Variants in KIF16B observed in about 807,000 individuals in gnomAD.
KIF16B encodes kinesin family member 16B.
Under a neutral mutation model 156.3 loss-of-function variants are expected in KIF16B, and 98 were observed. The ratio of observed to expected loss-of-function variants is 0.63; its 90% CI spans 0.53 to 0.74. KIF16B has a LOEUF of 0.74. KIF16B is among the 30% of genes least tolerant of loss of function. The pLI is 0.00. For synonymous variants in KIF16B, 564 were observed against 583.7 expected (o/e 0.97, Z 0.49); for missense variants, 1,421 against 1,606.5 (o/e 0.88, Z 1.97).
intron 24 of KIF16B, among the ~76,000 whole-genome samples, chr20:16,319,181 C>G (rs1041275762): frequency 3.3e-5 from 5 of 151,842 alleles, no homozygotes. Context: ...GATCCTGGAA[C>G]AGAAAAAGGC....
At chr20:16,480,025 C>T (rs762245549) in intron 12 of KIF16B, among the ~76,000 whole-genome samples, 1 of 152,160 alleles carries the variant, frequency 6.6e-6, no homozygotes, top group Non-Finnish European at 1.5e-5. Context: ...ATGGCAGGGA[C>T]TCCTTCGGGG....
At chr20:16,404,771 A>AAAGTGAT (rs778457676) in intron 17 of KIF16B, 42 bp downstream of exon 17, 2 of 1,463,364 alleles carry the variant, frequency 1.4e-6, no homozygotes, top group African/African-American at 2.8e-5. Flanking sequence ...AATAAATGCA[A>AAAGTGAT]AAGTGATCAT....
chr20:16,526,268 T>C (rs760136665), intron 2 of KIF16B, 63 bp from the exon 3 acceptor site: 5 of 835,318 alleles, frequency 6.0e-6, no homozygotes, highest in Non-Finnish European at 7.5e-6. Context: ...GACCCAAATT[T>C]CCATGTTTAT....
intron 12 of KIF16B, among the ~76,000 whole-genome samples, chr20:16,480,246 A>C (rs2067941820): frequency 6.6e-6 from 1 of 152,232 alleles, no homozygotes; most frequent in Admixed American, 6.5e-5. Flanking sequence ...GAAAGCCCTC[A>C]TTGAAGACCT....
At chr20:16,368,892 A>C (rs1475654469) in intron 22 of KIF16B, 2 of 985,728 alleles carry the variant, frequency 2.0e-6, no homozygotes, top group Non-Finnish European at 2.4e-6. Context: ...TATCTTTATG[A>C]GTCATCAGCT....
chr20:16,520,009 A>C (rs2069282123), intron 3 of KIF16B, among the ~76,000 whole-genome samples: 1 of 152,156 alleles, frequency 6.6e-6, no homozygotes, highest in Non-Finnish European at 1.5e-5. Context: ...CGCTTTTCCC[A>C]CAGTCTTCGC....
intron 22 of KIF16B, among the ~76,000 whole-genome samples, chr20:16,361,618 T>C (rs1361732160): frequency 6.6e-6 from 1 of 152,196 alleles, no homozygotes; most frequent in Non-Finnish European, 1.5e-5. Context: ...GTGCTAACCT[T>C]ATCTCATTTC....
chr20:16,354,471 G>T (rs2064397638), intron 23 of KIF16B, among the ~76,000 whole-genome samples: 1 of 115,592 alleles, frequency 8.7e-6, no homozygotes, highest in Non-Finnish European at 1.7e-5. Context: ...TGTACAAATG[G>T]AATTCTACAC....
intron 9 of KIF16B, 113 bp from the exon 10 acceptor site, chr20:16,504,660 A>C: frequency 1.3e-6 from 1 of 761,536 alleles, no homozygotes; most frequent in South Asian, 1.9e-5. Context: ...GAGAGACTAA[A>C]TATTCATTGC....
rs2064767135 is a variant in KIF16B at position 16,369,600 on chromosome 20, G to A, written c.3498+986C>T. On this transcript the variant is annotated intron_variant, in intron 22 of 25. Transcript: ENST00000354981. ...AAGCCCTCTGATTCAATGTTTAGAA[G>A]GTCAAATTTAGTTATGAAAATAAGT... is the stretch of plus-strand genomic sequence containing the variant. Among the ~76,000 whole-genome samples, 5 of 152,184 alleles carry A rather than the reference G, an allele frequency of 3.3e-5. No homozygotes were observed. The South Asian group carries it at 1.0e-3, about 32-fold the overall frequency.
rs1443474788 is a variant in KIF16B, at chr20:16,380,123, T to C, written c.1879A>G (p.Lys627Glu). ...TGCTGCATCCGCTCCAGTTCAGCCT[T>C]GTCTGATTTCTGCTTTTCCTCCATT... ...EEMEEKQKSD[K>E]AELERMQQEV... The change falls in exon 19 of 26, where the codon AAG becomes GAG. Residue 627 changes from lysine to glutamate, a missense_variant. Coordinates refer to ENST00000354981, the MANE Select transcript of KIF16B (RefSeq NM_024704.5). 6.6e-7 allele frequency: 1 copy of C among 1,517,110 alleles called. No individual in the cohort carries two copies. The highest frequency in any genetic ancestry group is 8.8e-7 in the Non-Finnish European group (1 of 1,136,956). The allele number at this position is 1,517,110 out of a possible 1,614,324, so 94.0% of individuals were successfully genotyped here.
rs1244094921 is a variant in KIF16B at position 16,504,305 on chromosome 20, C to CA, written c.1176+66dup. 94 of 1,496,186 alleles carry CA rather than the reference C, an allele frequency of 6.3e-5. 1 individual carries two copies. In the Middle Eastern group the frequency reaches 1.0e-3, roughly 17 times the overall value. The allele number at this position is 1,496,186 out of a possible 1,614,324, so 92.7% of individuals were successfully genotyped here. A position where few individuals can be genotyped will look rare whatever the true frequency, so the allele number is the denominator to read the frequency against. Reference sequence around the variant, plus strand: ...AATAGCATGAGTGAGAAAATTGTCTCATTAAGATCTAGAAATAGATGCCAT... The same window carrying CA: ...AATAGCATGAGTGAGAAAATTGTCTCAATTAAGATCTAGAAATAGATGCCAT... On this transcript the variant is annotated intron_variant, in intron 10 of 25. Coordinates refer to ENST00000354981, the MANE Select transcript of KIF16B (RefSeq NM_024704.5).
intron 1 of KIF16B, among the ~76,000 whole-genome samples, chr20:16,534,785 C>T (rs2069893665): frequency 6.6e-6 from 1 of 151,962 alleles, no homozygotes; most frequent in African/African-American, 2.4e-5. Flanking sequence ...TTCTTGGTGG[C>T]TTTGTCAAAG....
chr20:16,357,877 T>C (rs1473975898), intron 22 of KIF16B, among the ~76,000 whole-genome samples: 1 of 152,206 alleles, frequency 6.6e-6, no homozygotes, highest in Non-Finnish European at 1.5e-5. Context: ...TACACCGATT[T>C]AGCTATCCCT....
chr20:16,347,973 T>C (rs547395181), intron 23 of KIF16B, among the ~76,000 whole-genome samples: 1 of 152,342 alleles, frequency 6.6e-6, no homozygotes, highest in Non-Finnish European at 1.5e-5. Flanking sequence ...GAGAAATTTC[T>C]TGGACTGCAA....
chr20:16,571,383 G>A (rs550992382), intron 1 of KIF16B, among the ~76,000 whole-genome samples: 1 of 152,110 alleles, frequency 6.6e-6, no homozygotes, highest in South Asian at 2.1e-4. Context: ...ATAACATCAC[G>A]CGAATCTGCC....
At chr20:16,405,016 C>A in intron 16 of KIF16B, 115 bp from the exon 17 acceptor site, 3 of 699,462 alleles carry the variant, frequency 4.3e-6, no homozygotes, top group Non-Finnish European at 2.5e-6. Context: ...TCCTAATTAA[C>A]ACGCACCACA....
intron 25 of KIF16B, among the ~76,000 whole-genome samples, chr20:16,280,840 A>ACGCG (rs769929218): frequency 0.21 from 27,945 of 131,472 alleles, 3,077 homozygotes; most frequent in East Asian, 0.51. Flanking sequence ...CTGCGCGCGC[A>ACGCG]CGTGTGTGTG....
chr20:16,488,701 G>C lies in KIF16B; in HGVS notation c.1302+5590C>G, dbSNP rs373636966. 1.4e-3 allele frequency among the ~76,000 whole-genome samples: 212 copies of C among 152,276 alleles called. 1 individual carries two copies. The highest frequency in any genetic ancestry group is 4.6e-3 in the African/African-American group (191 of 41,556). On this transcript the variant is annotated intron_variant, in intron 12 of 25. Transcript: ENST00000354981. ...ATTGTAGCCACGCAAAAGGGAAACC[G>C]ATATGAAGGGTCTCAAGAATCCATT... is the stretch of plus-strand genomic sequence containing the variant.
Sources: allele counts gnomAD v4.1 joint callset (sites outside exome capture counted in the v4.1 genomes callset), GRCh38; gene constraint gnomAD v4.1.1; transcripts MANE v1.5; gene names NCBI Gene and HGNC (gene_info 2026-07-23, HGNC 2026-07-21).